The following FSIP1 variants were observed in gnomAD, a reference collection of about 807,000 sequenced individuals.
The protein encoded by FSIP1 is fibrous sheath interacting protein 1.
A neutral mutation model predicts 60.9 loss-of-function variants in FSIP1; 65 were observed. The ratio of observed to expected loss-of-function variants is 1.07; its 90% CI spans 0.87 to 1.31. The LOEUF (loss-of-function observed/expected upper bound fraction) is 1.31. Among genes scored for constraint, FSIP1 ranks in the 40% most tolerant of loss-of-function variants. The pLI is 0.00. For missense variants in FSIP1, 675 were observed against 665.5 expected (o/e 1.01, Z -0.16); for synonymous variants, 209 against 221.2 (o/e 0.94, Z 0.49).
intron 10 of FSIP1, among the ~76,000 whole-genome samples, chr15:39,622,515 C>G (rs952604222): frequency 6.6e-6 from 1 of 152,212 alleles, no homozygotes; most frequent in African/African-American, 2.4e-5. Context: ...GGTTGGCACA[C>G]TAGGTTATGT....
intron 10 of FSIP1, among the ~76,000 whole-genome samples, chr15:39,648,159 A>G (rs1392389594): frequency 2.1e-5 from 3 of 141,756 alleles, no homozygotes; most frequent in African/African-American, 8.5e-5. Context: ...CCTAAAACTT[A>G]AAGTATAATA....
At chr15:39,599,285 C>T (rs991635572), downstream of FSIP1, 5 of 152,132 alleles carry the variant, frequency 3.3e-5, no homozygotes, top group African/African-American at 1.2e-4. Flanking sequence ...GTTAGAGTTA[C>T]CTTCAGTTGA....
At chr15:39,597,760 A>C (rs192601553), downstream of FSIP1, 4 of 152,218 alleles carry the variant, frequency 2.6e-5, no homozygotes, top group Non-Finnish European at 5.9e-5. Flanking sequence ...ATTTCTTATT[A>C]AGGTCATTAG....
chr15:39,626,119 A>G (rs1426816744), intron 10 of FSIP1, among the ~76,000 whole-genome samples: 1 of 152,214 alleles, frequency 6.6e-6, no homozygotes, highest in Non-Finnish European at 1.5e-5. Context: ...CTTGCAGGAA[A>G]TCAGCTGATA....
intron 10 of FSIP1, among the ~76,000 whole-genome samples, chr15:39,649,174 T>C (rs1298527169): frequency 6.6e-6 from 1 of 152,192 alleles, no homozygotes; most frequent in East Asian, 1.9e-4. Context: ...TGGAATAAGA[T>C]GTATAAGGAT....
intron 5 of FSIP1, among the ~76,000 whole-genome samples, chr15:39,752,876 T>G (rs897067540): frequency 2.6e-5 from 4 of 151,994 alleles, no homozygotes; most frequent in Non-Finnish European, 5.9e-5. Context: ...ATAGGGGAAA[T>G]CTCTGTACCA....
chr15:39,668,542 T>C (rs370784931), intron 10 of FSIP1, among the ~76,000 whole-genome samples: 5 of 152,258 alleles, frequency 3.3e-5, no homozygotes, highest in Non-Finnish European at 2.9e-5. Flanking sequence ...TTAGCCTATA[T>C]TGTGTTTCCT....
chr15:39,691,336 A>G (rs1350358244), intron 10 of FSIP1, among the ~76,000 whole-genome samples: 1 of 152,230 alleles, frequency 6.6e-6, no homozygotes, highest in African/African-American at 2.4e-5. Flanking sequence ...AGTGCCAGCA[A>G]CAGGGCAGTG....
chr15:39,610,825 C>A lies in FSIP1; in HGVS notation c.1699+6910G>T, dbSNP rs138048853. On this transcript the variant is annotated intron_variant, in intron 11 of 11. Coordinates refer to ENST00000350221, the MANE Select transcript of FSIP1 (RefSeq NM_152597.5). Reference sequence around the variant, plus strand: ...CCATAAAAGGGTGGGATAATATAATCAAAGTGTAGAAGAAAAACAAAACTG... The same window carrying A: ...CCATAAAAGGGTGGGATAATATAATAAAAGTGTAGAAGAAAAACAAAACTG... 5.6e-4 allele frequency among the ~76,000 whole-genome samples: 86 copies of A among 152,226 alleles called. 1 individual carries two copies. In the East Asian group the frequency reaches 0.012, roughly 20 times the overall value.
In FSIP1 at chr15:39,765,632, T is replaced by C. The variant is rs1173556734; in HGVS notation, c.425A>G (p.Gln142Arg). The change falls in exon 4 of 12, where the codon CAA (glutamine) becomes CGA (arginine). Residue 142 changes from glutamine (Q) to arginine (R), a missense_variant. Transcript: ENST00000350221. ...CAGCTTTATTCTCATTTCTAGACCT[T>C]GCTTCTTAATTTCTTTTTCTCTGCG... ...KQRREKEIKK[Q>R]GLEMRIKLWE... 1 of 1,605,084 alleles carries C rather than the reference T, an allele frequency of 6.2e-7. No individual in the cohort carries two copies. The highest frequency in any genetic ancestry group is 1.3e-5 in the African/African-American group (1 of 74,216).
chr15:39,612,416 A>G (rs1370117468), intron 11 of FSIP1, among the ~76,000 whole-genome samples: 2 of 152,122 alleles, frequency 1.3e-5, no homozygotes, highest in African/African-American at 4.8e-5. Context: ...CAGAGGGGGG[A>G]AAAAAGGAAA....
At position 39,617,898 on chromosome 15, in the gene FSIP1, G is replaced by A. The variant is rs148535405; in HGVS notation, c.1536C>T (p.Asp512=). 1.3e-4 allele frequency: 209 copies of A among 1,614,120 alleles called. No individual in the cohort carries two copies. Among genetic ancestry groups the A allele is most frequent in the Middle Eastern group, 3.3e-4 (2 of 6,062 alleles). The part of the protein sequence containing the change: ...ENMKCLQFSK[D]VIISDTKDYF... Reference sequence around the variant, plus strand: ...AGTCTTTTGTGTCACTAATAATAACGTCCTTGGAAAATTGAAGGCATTTCA... The same window carrying A: ...AGTCTTTTGTGTCACTAATAATAACATCCTTGGAAAATTGAAGGCATTTCA... The change falls in exon 11 of 12, where the codon GAC becomes GAT. Residue 512 remains aspartate, a synonymous_variant. Coordinates refer to ENST00000350221, the MANE Select transcript of FSIP1 (RefSeq NM_152597.5).
chr15:39,765,409 T>G (rs1214545874), intron 4 of FSIP1, among the ~76,000 whole-genome samples, 183 bp downstream of exon 4: 1 of 151,670 alleles, frequency 6.6e-6, no homozygotes, highest in Non-Finnish European at 1.5e-5. Context: ...CCTGGCTAAT[T>G]TTTTAGGTTT....
At chr15:39,620,694 C>T (rs909256573) in intron 10 of FSIP1, among the ~76,000 whole-genome samples, 5 of 150,472 alleles carry the variant, frequency 3.3e-5, no homozygotes, top group African/African-American at 9.7e-5. Flanking sequence ...TGGGTTCAAG[C>T]GAGTCTCGTG....
intron 10 of FSIP1, among the ~76,000 whole-genome samples, chr15:39,638,837 T>C (rs949473033): frequency 6.6e-6 from 1 of 151,960 alleles, no homozygotes; most frequent in Non-Finnish European, 1.5e-5. Context: ...CGCGTGTGTG[T>C]GTGCATGTGT....
chr15:39,777,296 C>T (rs372302269), intron 1 of FSIP1, among the ~76,000 whole-genome samples: 1 of 152,108 alleles, frequency 6.6e-6, no homozygotes, highest in South Asian at 2.1e-4. Flanking sequence ...TCCTCTCCCC[C>T]GTGGGGCTGC....
Position 39,693,593 on chromosome 15 carries a change from C to A in FSIP1, c.1188+19851G>T, listed in dbSNP as rs560861615. 2.0e-5 allele frequency among the ~76,000 whole-genome samples: 3 copies of A among 152,290 alleles called. No individual in the cohort carries two copies. The South Asian group carries it at 6.2e-4, about 32-fold the overall frequency. ...CTATTTAAGGTGGACTATATTACTA[C>A]CTTTCTCAGTAAAAGAATTCATTCA... is the stretch of plus-strand genomic sequence containing the variant. On this transcript the variant is annotated intron_variant, in intron 10 of 11. Transcript: ENST00000350221.
chr15:39,625,825 G>A (rs1891617216), intron 10 of FSIP1, among the ~76,000 whole-genome samples: 2 of 152,168 alleles, frequency 1.3e-5, no homozygotes, highest in Non-Finnish European at 1.5e-5. Context: ...CATGCTCCGA[G>A]GGAACTGGAA....
chr15:39,780,402 G>A (rs373726372), intron 1 of FSIP1, among the ~76,000 whole-genome samples: 1 of 152,172 alleles, frequency 6.6e-6, no homozygotes, highest in Non-Finnish European at 1.5e-5. Context: ...ATGGGCGCCT[G>A]TAGTCCCAGC....
Sources: gnomAD v4.1 joint callset for allele counts (sites outside exome capture counted in the v4.1 genomes callset) on GRCh38, gnomAD v4.1.1 for gene constraint, MANE v1.5 for transcripts, NCBI Gene and HGNC (gene_info 2026-07-23, HGNC 2026-07-21) for gene names.